SPAG9: variants seen among roughly 807,000 people sequenced by gnomAD.
SPAG9 encodes the protein C-Jun-amino-terminal kinase-interacting protein 4.
In SPAG9, 35 loss-of-function variants were observed where a neutral mutation model predicts 166.5. The ratio of observed to expected loss-of-function variants is 0.21; its 90% CI spans 0.16 to 0.28. The LOEUF (loss-of-function observed/expected upper bound fraction) is 0.28, where lower values mean the gene tolerates loss of function less well. Among genes scored for constraint, SPAG9 ranks in the 10% least tolerant of loss-of-function variants. The pLI is 1.00. For missense variants in SPAG9, 1,235 were observed against 1,603.3 expected (o/e 0.77, Z 3.92); for synonymous variants, 534 against 565.5 (o/e 0.94, Z 0.79).
intron 6 of SPAG9, among the ~76,000 whole-genome samples, chr17:51,021,890 C>A (rs958499176): frequency 1.3e-5 from 2 of 151,954 alleles, no homozygotes; most frequent in African/African-American, 4.8e-5. Flanking sequence ...TTTGGGAGGC[C>A]GAGGCAGGCG....
chr17:51,013,467 G>A (rs2045572926), intron 9 of SPAG9, among the ~76,000 whole-genome samples: 1 of 152,144 alleles, frequency 6.6e-6, no homozygotes, highest in Non-Finnish European at 1.5e-5. Flanking sequence ...GCTGTTGGTA[G>A]GCAAAGGCAA....
At chr17:51,102,565 T>G (rs910229630) in intron 1 of SPAG9, among the ~76,000 whole-genome samples, 2 of 151,872 alleles carry the variant, frequency 1.3e-5, no homozygotes, top group Non-Finnish European at 2.9e-5. Flanking sequence ...TGCAGTGGCA[T>G]GATCTTCATT....
chr17:51,035,754 G>A (rs1279660136), intron 5 of SPAG9, among the ~76,000 whole-genome samples: 1 of 152,150 alleles, frequency 6.6e-6, no homozygotes, highest in African/African-American at 2.4e-5. Flanking sequence ...TCACAAGTAG[G>A]TGTCTATCCA....
In SPAG9 at chr17:50,985,728, A is replaced by G; in HGVS notation, c.2990T>C (p.Ile997Thr). Residue 997 changes from isoleucine (I) to threonine (T), a missense_variant, in exon 23 of 30, where the codon ATT (isoleucine) becomes ACT (threonine). By Grantham distance (89) the Ile-to-Thr change is moderately conservative. Transcript: ENST00000262013. ...VAQWRKCLHSIKLKDSILSIV... is the reference protein window; with the variant it reads ...VAQWRKCLHSTKLKDSILSIV... ...ACTGAGAATCGAATCTTTAAGTTTA[A>G]TGGAATGGAGACATTTCCTCCACTG... 1.2e-6 allele frequency: 2 copies of G among 1,607,822 alleles called. No individual in the cohort carries two copies. Among genetic ancestry groups the G allele is most frequent in the Non-Finnish European group, 1.7e-6 (2 of 1,175,134 alleles).
At chr17:51,019,315 T>G (rs1380542278) in intron 8 of SPAG9, among the ~76,000 whole-genome samples, 3 of 152,206 alleles carry the variant, frequency 2.0e-5, no homozygotes, top group Non-Finnish European at 4.4e-5. Flanking sequence ...CTCAGCACTT[T>G]GGGAGGCCGA....
intron 1 of SPAG9, among the ~76,000 whole-genome samples, chr17:51,080,045 A>C (rs1330163722): frequency 2.6e-5 from 4 of 152,192 alleles, no homozygotes; most frequent in Non-Finnish European, 2.9e-5. Flanking sequence ...TAGAGAACAA[A>C]AGAATGATGG....
At chr17:51,052,325 T>A (rs748419352) in intron 3 of SPAG9, among the ~76,000 whole-genome samples, 6 of 152,140 alleles carry the variant, frequency 3.9e-5, no homozygotes, top group Non-Finnish European at 7.4e-5. Context: ...TTGAATGACA[T>A]CTCTAGAACA....
At chr17:51,079,233 T>C in intron 2 of SPAG9, among the ~76,000 whole-genome samples, 1 of 135,128 alleles carries the variant, frequency 7.4e-6, no homozygotes, top group Admixed American at 7.1e-5. Context: ...GCCAATTCCT[T>C]TTTTTTTTTT....
intron 1 of SPAG9, among the ~76,000 whole-genome samples, chr17:51,086,789 G>C (rs2048319286): frequency 6.6e-6 from 1 of 152,156 alleles, no homozygotes; most frequent in South Asian, 2.1e-4. Context: ...GGGCGTGGTG[G>C]CAGGTGTGTG....
At position 50,998,517 on chromosome 17, in the gene SPAG9, C is replaced by G; in HGVS notation, c.1765G>C (p.Val589Leu). ...NAPTSHVTPS[V>L]KKRSSTLSQL... is the part of the protein sequence containing the mutation. ...GATAAGGTGCTGCTTCTTTTCTTGACGGACGGAGTAACATGAGACGTGGGT... is the reference window on the plus strand; with the variant it reads ...GATAAGGTGCTGCTTCTTTTCTTGAGGGACGGAGTAACATGAGACGTGGGT... The change falls in exon 15 of 30, where the codon GTC becomes CTC. Residue 589 changes from valine (V) to leucine (L), a missense_variant. This residue lies in a region of SPAG9 where 493 missense variants were observed against 559.4 expected (regional missense o/e 0.88). Transcript: ENST00000262013. 3 of 1,614,086 alleles carry G rather than the reference C, an allele frequency of 1.9e-6. No homozygotes were observed. Among genetic ancestry groups the G allele is most frequent in the Non-Finnish European group, 2.5e-6 (3 of 1,179,966 alleles).
chr17:51,084,224 T>C (rs577743731), intron 1 of SPAG9: 2 of 152,146 alleles, frequency 1.3e-5, no homozygotes, highest in South Asian at 2.1e-4. Context: ...TTACGTTAAA[T>C]AGAAAAGCAG....
intron 1 of SPAG9, among the ~76,000 whole-genome samples, chr17:51,090,705 A>G (rs2048441347): frequency 6.6e-6 from 1 of 152,200 alleles, no homozygotes; most frequent in African/African-American, 2.4e-5. Context: ...AAGATCTTGC[A>G]TAATTCAACA....
intron 2 of SPAG9, among the ~76,000 whole-genome samples, chr17:51,062,738 C>T (rs940864731): frequency 2.4e-4 from 37 of 152,062 alleles, no homozygotes; most frequent in African/African-American, 8.7e-4. Flanking sequence ...CTACAGGCAC[C>T]CACCACCATG....
Position 51,107,557 on chromosome 17 carries a change from TA to T in SPAG9, c.303+12796del, listed in dbSNP as rs531229228. Among the ~76,000 whole-genome samples, 1,080 of 151,868 alleles carry T rather than the reference TA, an allele frequency of 7.1e-3. 17 individuals carry two copies. The highest frequency in any genetic ancestry group is 0.024 in the African/African-American group (1,008 of 41,432). ...TTTGAGACCAGCCTGGCCAATATGG[TA>T]AAACCCCATCTCTACTAAAACTACA... is the stretch of plus-strand genomic sequence containing the variant. On this transcript the variant is annotated intron_variant, in intron 1 of 29. Transcript: ENST00000262013.
intron 6 of SPAG9, among the ~76,000 whole-genome samples, chr17:51,024,823 C>T (rs879662443): frequency 5.3e-5 from 8 of 151,686 alleles, no homozygotes; most frequent in Non-Finnish European, 1.2e-4. Flanking sequence ...CAGCAAGATC[C>T]CATCACATAA....
intron 8 of SPAG9, among the ~76,000 whole-genome samples, chr17:51,017,347 T>TACC (rs2045742667): frequency 4.6e-5 from 7 of 152,206 alleles, no homozygotes; most frequent in Admixed American, 2.6e-4. Flanking sequence ...GAACATGTTA[T>TACC]TTTAGATACC....
chr17:51,027,848 C>G (rs954653370), intron 6 of SPAG9, among the ~76,000 whole-genome samples: 2 of 151,998 alleles, frequency 1.3e-5, no homozygotes, highest in African/African-American at 4.8e-5. Flanking sequence ...ATAAAGTTAA[C>G]TATAAAACAG....
At position 51,099,759 on chromosome 17, in the gene SPAG9, T is replaced by TAAAA. The variant is rs58721041; in HGVS notation, c.304-20059_304-20056dup. Among the ~76,000 whole-genome samples, 308 of 43,600 alleles carry TAAAA rather than the reference T, an allele frequency of 7.1e-3. 10 individuals are homozygous for TAAAA. The highest frequency in any genetic ancestry group is 0.016 in the Middle Eastern group (1 of 62). The allele number at this position is 43,600 out of a possible 152,430, so 28.6% of individuals were successfully genotyped here. A position where few individuals can be genotyped will look rare whatever the true frequency, so the allele number is the denominator to read the frequency against. ...TGTTATGAAAATATTCTTCTATTAC[T>TAAAA]AAAAAAAAAAAAAAAAAAAAAAAAA... is the stretch of plus-strand genomic sequence containing the variant. On this transcript the variant is annotated intron_variant, in intron 1 of 29. Transcript: ENST00000262013.
chr17:51,101,626 G>C (rs78083404), intron 1 of SPAG9, among the ~76,000 whole-genome samples: 2 of 148,726 alleles, frequency 1.3e-5, no homozygotes, highest in African/African-American at 4.9e-5. Flanking sequence ...TTTTTTTTTT[G>C]AGGGGGACAG....
Sources: allele counts gnomAD v4.1 joint callset (sites outside exome capture counted in the v4.1 genomes callset), GRCh38; gene constraint gnomAD v4.1.1; regional missense constraint gnomAD v4.1.1; transcripts MANE v1.5; gene names NCBI Gene and HGNC (gene_info 2026-07-23, HGNC 2026-07-21).